The following RSF1 variants were observed in gnomAD, a reference collection of about 807,000 sequenced individuals.
RSF1 encodes the protein remodeling and spacing factor 1.
A neutral mutation model predicts 145.2 loss-of-function variants in RSF1; 13 were observed. That is an observed-to-expected ratio of 0.09 (90% CI 0.06 to 0.14). The LOEUF (loss-of-function observed/expected upper bound fraction) is 0.14, where lower values mean the gene tolerates loss of function less well. RSF1 is among the 10% of genes least tolerant of loss of function. The probability of loss-of-function intolerance (pLI) is 1.00; values close to 1 mark genes in which losing one functional copy is unlikely to be tolerated. For missense variants in RSF1, 1,517 were observed against 1,718.2 expected (o/e 0.88, Z 2.07); for synonymous variants, 577 against 592.6 (o/e 0.97, Z 0.38).
In RSF1 at chr11:77,785,718, G is replaced by A. The variant is rs142485216; in HGVS notation, c.188-21029C>T. On this transcript the variant is annotated intron_variant, in intron 1 of 15. Coordinates refer to ENST00000308488, the MANE Select transcript of RSF1 (RefSeq NM_016578.4). ...TGTAATCCCAGCACTCTGGGAGGCC[G>A]AGGCAGGTGGATCACGGTGAAACCC... 8.7e-3 allele frequency among the ~76,000 whole-genome samples: 1,317 copies of A among 151,600 alleles called. 18 individuals are homozygous for A. Among genetic ancestry groups the A allele is most frequent in the African/African-American group, 0.029 (1,203 of 41,360 alleles).
At chr11:77,832,412 C>T in the RSF1 span, among the ~76,000 whole-genome samples, 33 of 150,552 alleles carry the variant, frequency 2.2e-4, no homozygotes, top group East Asian at 4.8e-3. Flanking sequence ...CTGCAACCTC[C>T]GCCTCCCGGG....
Position 77,666,604 on chromosome 11 carries a change from A to C in RSF1, c.*313T>G. On this transcript the variant is annotated 3_prime_UTR_variant, in exon 16 of 16. Coordinates refer to ENST00000308488, the MANE Select transcript of RSF1 (RefSeq NM_016578.4). Reference sequence around the variant, plus strand: ...ATCCACCCTTTTTCACAAAGTCAGGAGAGCTCAGGAAATATAAAGTCAAAA... The same window carrying C: ...ATCCACCCTTTTTCACAAAGTCAGGCGAGCTCAGGAAATATAAAGTCAAAA... The C allele has an allele frequency of 1.1e-5, 2 of 176,686 alleles. No individual in the cohort carries two copies. The highest frequency in any genetic ancestry group is 2.4e-5 in the Non-Finnish European group (2 of 84,514). The allele number at this position is 176,686 out of a possible 1,614,324, so 10.9% of individuals were successfully genotyped here.
chr11:77,842,316 G>C, the RSF1 span, among the ~76,000 whole-genome samples: 1 of 152,084 alleles, frequency 6.6e-6, no homozygotes, highest in African/African-American at 2.4e-5. Flanking sequence ...CAGGATTCCA[G>C]GAATAATAGT....
the RSF1 span, among the ~76,000 whole-genome samples, chr11:77,864,201 AC>A: frequency 1.3e-5 from 2 of 151,828 alleles, no homozygotes; most frequent in Non-Finnish European, 2.9e-5. Flanking sequence ...TGTTGGGATT[AC>A]AGGCATGAGC....
intron 5 of RSF1, among the ~76,000 whole-genome samples, chr11:77,719,237 AAAAT>A (rs1208929343): frequency 6.6e-6 from 1 of 152,232 alleles, no homozygotes; most frequent in Non-Finnish European, 1.5e-5. Flanking sequence ...CTTGACTCTA[AAAAT>A]AAATAAATAC....
At chr11:77,773,941 C>T (rs890429828) in intron 1 of RSF1, among the ~76,000 whole-genome samples, 10 of 152,182 alleles carry the variant, frequency 6.6e-5, no homozygotes, top group Admixed American at 3.9e-4. Flanking sequence ...CGGTTCTTAT[C>T]AGTGTAATAT....
At chr11:77,782,558 A>G (rs1948414949) in intron 1 of RSF1, among the ~76,000 whole-genome samples, 1 of 152,054 alleles carries the variant, frequency 6.6e-6, no homozygotes, top group Non-Finnish European at 1.5e-5. Flanking sequence ...AAAAAAGAAC[A>G]AGGATTAGCA....
Position 77,685,032 on chromosome 11 carries a change from A to G in RSF1, c.2955+73T>C, listed in dbSNP as rs1046158705. 7 of 739,806 alleles carry G rather than the reference A, an allele frequency of 9.5e-6. No homozygotes were observed. The Admixed American group carries it at 1.4e-4, about 14-fold the overall frequency. The allele number at this position is 739,806 out of a possible 1,614,324, so 45.8% of individuals were successfully genotyped here. Reference sequence around the variant, plus strand: ...ATAAATAAATAAAACCACTAACATTACATAAGGTGGGTAAAATTTTAGAGC... The same window carrying G: ...ATAAATAAATAAAACCACTAACATTGCATAAGGTGGGTAAAATTTTAGAGC... On this transcript the variant is annotated intron_variant, in intron 10 of 15. Transcript: ENST00000308488.
chr11:77,737,138 T>C (rs112845055), intron 4 of RSF1, among the ~76,000 whole-genome samples: 2 of 151,946 alleles, frequency 1.3e-5, no homozygotes, highest in African/African-American at 4.8e-5. Flanking sequence ...CTAAAGAAAT[T>C]TGTGGTTGTG....
At chr11:77,694,099 A>G (rs1480934608) in intron 7 of RSF1, among the ~76,000 whole-genome samples, 1 of 152,168 alleles carries the variant, frequency 6.6e-6, no homozygotes, top group Non-Finnish European at 1.5e-5. Context: ...AATTTTTAAA[A>G]AAACCTAAAA....
At chr11:77,675,859 A>G (rs1358386862) in intron 13 of RSF1, among the ~76,000 whole-genome samples, 1 of 152,222 alleles carries the variant, frequency 6.6e-6, no homozygotes, top group Non-Finnish European at 1.5e-5. Context: ...CATAAATCTC[A>G]TATTAATTTA....
At chr11:77,763,645 A>C (rs753834752) in intron 2 of RSF1, 3 of 152,250 alleles carry the variant, frequency 2.0e-5, no homozygotes, top group Non-Finnish European at 4.4e-5. Context: ...ACCATATGAC[A>C]GTTTCTAAAA....
intron 1 of RSF1, among the ~76,000 whole-genome samples, chr11:77,802,255 C>T: frequency 6.6e-6 from 1 of 152,104 alleles, no homozygotes; most frequent in South Asian, 2.1e-4. Flanking sequence ...GTGAGAACCC[C>T]CAATTTGTAG....
chr11:77,707,963 T>C (rs564534370), intron 5 of RSF1, among the ~76,000 whole-genome samples: 44 of 152,344 alleles, frequency 2.9e-4, no homozygotes, highest in Non-Finnish European at 5.0e-4. Context: ...TTAACAGTAT[T>C]GTTGCATCTT....
chr11:77,839,334 C>T, the RSF1 span, among the ~76,000 whole-genome samples: 1 of 152,008 alleles, frequency 6.6e-6, no homozygotes, highest in Non-Finnish European at 1.5e-5. Flanking sequence ...TTGTAGAAAC[C>T]AGGTCTCCCA....
intron 5 of RSF1, among the ~76,000 whole-genome samples, chr11:77,722,039 G>T (rs1185873872): frequency 6.6e-6 from 1 of 152,052 alleles, no homozygotes; most frequent in Non-Finnish European, 1.5e-5. Context: ...CATTAGCCAG[G>T]CATGGTGGCG....
At chr11:77,861,131 T>C in the RSF1 span, among the ~76,000 whole-genome samples, 1 of 152,160 alleles carries the variant, frequency 6.6e-6, no homozygotes, top group Non-Finnish European at 1.5e-5. Context: ...TGTCCTTCTG[T>C]TGCCCAGACT....
the RSF1 span, chr11:77,868,808 G>A: frequency 2.2e-5 from 5 of 222,388 alleles, no homozygotes; most frequent in East Asian, 1.1e-4. Context: ...GCAGGCTGGC[G>A]CTTAATTTGA....
At position 77,764,601 on chromosome 11, in the gene RSF1, G is replaced by A. The variant is rs150547133; in HGVS notation, c.276C>T (p.Ile92=). 3 of 1,564,656 alleles carry A rather than the reference G, an allele frequency of 1.9e-6. No individual in the cohort carries two copies. Among genetic ancestry groups the A allele is most frequent in the Non-Finnish European group, 2.6e-6 (3 of 1,137,004 alleles). Residue 92 remains isoleucine, a synonymous_variant, in exon 2 of 16, where the codon ATC becomes ATT. Coordinates refer to ENST00000308488, the MANE Select transcript of RSF1 (RefSeq NM_016578.4). ...VTADRWEKYL[I]KICQEFNSTW... Reference sequence around the variant, plus strand: ...GAAATTTACAAATACTAGTTACCTTGATCAAATATTTTTCCCATCTGTCTG... The same window carrying A: ...GAAATTTACAAATACTAGTTACCTTAATCAAATATTTTTCCCATCTGTCTG...
Sources: allele counts gnomAD v4.1 joint callset (sites outside exome capture counted in the v4.1 genomes callset), GRCh38; gene constraint gnomAD v4.1.1; transcripts MANE v1.5; gene names NCBI Gene and HGNC (gene_info 2026-07-23, HGNC 2026-07-21).